The following RAD51B variants were observed in gnomAD, a reference collection of about 807,000 sequenced individuals.
RAD51B encodes DNA repair protein RAD51 homolog 2.
In RAD51B, 38 loss-of-function variants were observed where a neutral mutation model predicts 42.2. The observed-to-expected ratio is 0.90, with a 90% CI of 0.70 to 1.18. RAD51B has a LOEUF of 1.18. RAD51B is among the 50% of genes most tolerant of loss of function. RAD51B has a pLI of 0.00. For synonymous variants in RAD51B, 154 were observed against 145.2 expected (o/e 1.06, Z -0.43); for missense variants, 373 against 400.7 (o/e 0.93, Z 0.59).
intron 7 of RAD51B, among the ~76,000 whole-genome samples, chr14:68,180,935 A>G (rs909804748): frequency 2.0e-5 from 3 of 152,330 alleles, no homozygotes; most frequent in Middle Eastern, 6.8e-3. Context: ...CTGGCAAGAC[A>G]AGTTATCATC....
intron 7 of RAD51B, among the ~76,000 whole-genome samples, chr14:68,104,420 C>G (rs1362385312): frequency 2.0e-5 from 3 of 151,956 alleles, no homozygotes; most frequent in Admixed American, 1.3e-4. Context: ...GTTTCTGAAG[C>G]CCTCAAACCA....
At chr14:68,126,775 T>C (rs890895824) in intron 7 of RAD51B, among the ~76,000 whole-genome samples, 1 of 152,232 alleles carries the variant, frequency 6.6e-6, no homozygotes, top group Non-Finnish European at 1.5e-5. Context: ...AAACATTTCC[T>C]AGTCTACTTT....
intron 10 of RAD51B, among the ~76,000 whole-genome samples, chr14:68,553,198 C>T (rs1317127676): frequency 1.3e-5 from 2 of 152,200 alleles, no homozygotes; most frequent in African/African-American, 4.8e-5. Flanking sequence ...TAACCAGTCC[C>T]CTTTTGTTGA....
intron 11 of RAD51B, among the ~76,000 whole-genome samples, chr14:68,654,968 G>C (rs533299107): frequency 1.3e-5 from 2 of 152,266 alleles, no homozygotes; most frequent in South Asian, 4.2e-4. Context: ...AGGTAAGTTA[G>C]AGTGAAAGGA....
intron 7 of RAD51B, among the ~76,000 whole-genome samples, chr14:68,002,649 T>C (rs2075507244): frequency 6.6e-6 from 1 of 152,244 alleles, no homozygotes; most frequent in Admixed American, 6.5e-5. Context: ...TTCTTGGGTT[T>C]TTATAGTCAG....
intron 9 of RAD51B, among the ~76,000 whole-genome samples, chr14:68,448,916 T>C (rs2085487715): frequency 6.6e-6 from 1 of 152,180 alleles, no homozygotes; most frequent in Non-Finnish European, 1.5e-5. Context: ...AGCAATATAG[T>C]AGGAGGGAAA....
At chr14:68,201,584 C>T (rs2079486070) in intron 7 of RAD51B, among the ~76,000 whole-genome samples, 1 of 152,172 alleles carries the variant, frequency 6.6e-6, no homozygotes, top group Non-Finnish European at 1.5e-5. Context: ...AGACCATTAG[C>T]AAGTAAGTCA....
chr14:68,651,729 G>T (rs927288422), intron 11 of RAD51B, among the ~76,000 whole-genome samples: 2 of 152,214 alleles, frequency 1.3e-5, no homozygotes, highest in African/African-American at 4.8e-5. Flanking sequence ...CTCTTTAAAA[G>T]GCTGCCTGCC....
chr14:68,145,352 T>G (rs945239686), intron 7 of RAD51B, among the ~76,000 whole-genome samples: 5 of 152,240 alleles, frequency 3.3e-5, no homozygotes, highest in African/African-American at 1.2e-4. Context: ...TTTGAATATC[T>G]TGTTCTGCCA....
chr14:68,442,928 A>G (rs937781583), intron 9 of RAD51B, among the ~76,000 whole-genome samples: 1 of 152,156 alleles, frequency 6.6e-6, no homozygotes, highest in African/African-American at 2.4e-5. Context: ...GTGAACACCT[A>G]AAGAATGACC....
intron 7 of RAD51B, among the ~76,000 whole-genome samples, chr14:68,064,454 A>G (rs1080958): frequency 0.26 from 40,033 of 152,046 alleles, 6,918 homozygotes; most frequent in African/African-American, 0.49. Flanking sequence ...GAAATTTTCT[A>G]GATTTTTGAG....
chr14:67,995,743 G>A (rs554187324), intron 7 of RAD51B, among the ~76,000 whole-genome samples: 12 of 151,048 alleles, frequency 7.9e-5, no homozygotes, highest in African/African-American at 2.4e-4. Flanking sequence ...TCAGCCTTCC[G>A]AGTAGCTGGG....
chr14:68,443,638 C>A (rs950463414), intron 9 of RAD51B, among the ~76,000 whole-genome samples: 14 of 152,004 alleles, frequency 9.2e-5, no homozygotes, highest in South Asian at 4.2e-4. Flanking sequence ...CATTTCTTTC[C>A]ATTTTTCAAA....
intron 11 of RAD51B, among the ~76,000 whole-genome samples, chr14:68,679,283 A>C (rs561337531): frequency 6.6e-6 from 1 of 152,276 alleles, no homozygotes; most frequent in African/African-American, 2.4e-5. Context: ...ACAAACAAAC[A>C]AACAAAAAAC....
chr14:67,901,298 G>A (rs1014627359), intron 7 of RAD51B, among the ~76,000 whole-genome samples: 5 of 152,192 alleles, frequency 3.3e-5, no homozygotes, highest in African/African-American at 1.2e-4. Flanking sequence ...ATAATGAGTT[G>A]GGCCAAGTTA....
chr14:68,529,567 G>A (rs2140345811), intron 10 of RAD51B, among the ~76,000 whole-genome samples: 2 of 152,330 alleles, frequency 1.3e-5, no homozygotes, highest in Admixed American at 1.3e-4. Flanking sequence ...GCAACCAGAA[G>A]CTAGGATGCT....
chr14:68,034,674 T>A (rs2076094697), intron 7 of RAD51B, among the ~76,000 whole-genome samples: 1 of 152,210 alleles, frequency 6.6e-6, no homozygotes, highest in South Asian at 2.1e-4. Flanking sequence ...AAATAATGGA[T>A]GTCCCTTGTT....
intron 7 of RAD51B, among the ~76,000 whole-genome samples, chr14:67,916,905 A>G (rs2044168952): frequency 6.6e-6 from 1 of 152,198 alleles, no homozygotes; most frequent in Non-Finnish European, 1.5e-5. Context: ...GGGGGAGGCA[A>G]TAAAAAGGAA....
At chr14:68,595,117 T>C in exon 11 of RAD51B, 1 of 1,067,014 alleles carries the variant, frequency 9.4e-7, no homozygotes. Flanking sequence ...TTTTGGTAAA[T>C]GCCTCAGCAT....
Sources: gnomAD v4.1 joint callset for allele counts (sites outside exome capture counted in the v4.1 genomes callset) on GRCh38, gnomAD v4.1.1 for gene constraint, MANE v1.5 for transcripts, NCBI Gene and HGNC (gene_info 2026-07-23, HGNC 2026-07-21) for gene names.